Variants in LIMS1 observed in about 807,000 individuals in gnomAD.
LIMS1 encodes LIM zinc finger domain containing 1.
LIMS1 carries 18 observed loss-of-function variants against 44.1 expected under a neutral mutation model. The observed-to-expected ratio is 0.41, with a 90% CI of 0.28 to 0.61. LIMS1 has a LOEUF of 0.61. LIMS1 is among the 20% of genes least tolerant of loss of function. The pLI is 0.32. For missense variants in LIMS1, 201 were observed against 422.0 expected (o/e 0.48, Z 4.59); for synonymous variants, 93 against 149.1 (o/e 0.62, Z 2.74).
At chr2:108,562,918 A>G (rs1224321867) in intron 1 of LIMS1, among the ~76,000 whole-genome samples, 1 of 152,222 alleles carries the variant, frequency 6.6e-6, no homozygotes, top group African/African-American at 2.4e-5. Flanking sequence ...TTAGGAGATA[A>G]TGTACCTAGT....
chr2:108,578,587 ATTTTT>A (rs575139291), intron 1 of LIMS1, among the ~76,000 whole-genome samples: 3 of 100,792 alleles, frequency 3.0e-5, no homozygotes, highest in African/African-American at 1.1e-4. Context: ...AATGTAAATA[ATTTTT>A]TTTTTTTTTT....
chr2:108,628,238 C>T (rs1249917792), intron 1 of LIMS1, among the ~76,000 whole-genome samples: 1 of 152,206 alleles, frequency 6.6e-6, no homozygotes, highest in African/African-American at 2.4e-5. Context: ...AAATTGTCTC[C>T]TCCATTGTCT....
At chr2:108,585,679 C>G (rs1686071658) in intron 1 of LIMS1, among the ~76,000 whole-genome samples, 3 of 151,996 alleles carry the variant, frequency 2.0e-5, no homozygotes, top group East Asian at 3.9e-4. Context: ...GAGGCTCTTG[C>G]AAAAGAGATG....
intron 1 of LIMS1, among the ~76,000 whole-genome samples, chr2:108,570,465 T>C (rs758383750): frequency 3.3e-5 from 5 of 152,052 alleles, no homozygotes; most frequent in Non-Finnish European, 7.4e-5. Flanking sequence ...TCTTTGGCTA[T>C]GAAGAGACCA....
At chr2:108,558,989 A>G (rs577664067) in intron 1 of LIMS1, among the ~76,000 whole-genome samples, 11 of 152,332 alleles carry the variant, frequency 7.2e-5, no homozygotes, top group African/African-American at 2.6e-4. Flanking sequence ...ATTTAAATGT[A>G]CAAAAATAAC....
At chr2:108,601,399 T>C (rs1454193893) in intron 1 of LIMS1, among the ~76,000 whole-genome samples, 1 of 152,144 alleles carries the variant, frequency 6.6e-6, no homozygotes, top group Non-Finnish European at 1.5e-5. Context: ...CTCTAGCTGT[T>C]TTCGTAACAA....
intron 1 of LIMS1, among the ~76,000 whole-genome samples, chr2:108,614,759 C>T (rs1329969655): frequency 1.3e-5 from 2 of 152,092 alleles, no homozygotes; most frequent in African/African-American, 4.8e-5. Flanking sequence ...CACACAAAAC[C>T]TGGGGAGTAT....
At chr2:108,648,080 C>T (rs1391670216) in intron 1 of LIMS1, among the ~76,000 whole-genome samples, 1 of 152,178 alleles carries the variant, frequency 6.6e-6, no homozygotes, top group Non-Finnish European at 1.5e-5. Flanking sequence ...CGTGTCAGCC[C>T]AGAATCTCCT....
chr2:108,611,659 C>A (rs1296993140), intron 1 of LIMS1, among the ~76,000 whole-genome samples: 5 of 151,706 alleles, frequency 3.3e-5, no homozygotes, highest in Non-Finnish European at 4.4e-5. Flanking sequence ...GCGTGGGGAT[C>A]GCTTGAGCTC....
rs1281323378 is a variant in LIMS1, at chr2:108,550,815, CA to C, written c.32+16234del. Among the ~76,000 whole-genome samples, 336 of 121,044 alleles carry C rather than the reference CA, an allele frequency of 2.8e-3. 3 individuals are homozygous for C. Among genetic ancestry groups the C allele is most frequent in the African/African-American group, 0.01 (293 of 29,186 alleles). The allele number at this position is 121,044 out of a possible 152,430, so 79.4% of individuals were successfully genotyped here. On this transcript the variant is annotated intron_variant, in intron 1 of 9. Coordinates refer to ENST00000544547, the Ensembl canonical transcript of LIMS1. ...TGGGCGGCAGAGAGAGACTCCGTCT[CA>C]AAAAAAAAAAAACCCAGCTTTAGGC...
Position 108,676,029 on chromosome 2 carries a change from G to A in LIMS1, c.681+1G>A. Reference sequence around the variant, plus strand: ...TATGGGCAAGCAGTGGCATGTGGAGGTGAGTTCTAAATGGCAAAGGGTAAC... The same window carrying A: ...TATGGGCAAGCAGTGGCATGTGGAGATGAGTTCTAAATGGCAAAGGGTAAC... On this transcript the variant is annotated splice_donor_variant, in intron 6 of 9. Transcript: ENST00000544547. LOFTEE classifies it high-confidence loss of function. 1.9e-6 allele frequency: 3 copies of A among 1,612,232 alleles called. No homozygotes were observed. Among genetic ancestry groups the A allele is most frequent in the Non-Finnish European group, 2.5e-6 (3 of 1,178,898 alleles).
chr2:108,534,526 G>C (rs779439641), exon 1 of LIMS1: 7 of 1,200,946 alleles, frequency 5.8e-6, no homozygotes, highest in Non-Finnish European at 7.3e-6. Context: ...GCCGGGAGAC[G>C]AGGGGCTGAG....
At chr2:108,583,183 C>T (rs1171443191) in intron 1 of LIMS1, among the ~76,000 whole-genome samples, 1 of 150,200 alleles carries the variant, frequency 6.7e-6, no homozygotes, top group Non-Finnish European at 1.5e-5. Context: ...CAGGCGCGCA[C>T]CACCACGCCT....
chr2:108,653,626 A>G (rs1690651994), intron 1 of LIMS1, among the ~76,000 whole-genome samples: 1 of 151,992 alleles, frequency 6.6e-6, no homozygotes, highest in Non-Finnish European at 1.5e-5. Context: ...CATTGCTGTA[A>G]GCCAAAAAGT....
chr2:108,632,754 G>T (rs1689004909), intron 1 of LIMS1, among the ~76,000 whole-genome samples: 1 of 152,218 alleles, frequency 6.6e-6, no homozygotes, highest in Non-Finnish European at 1.5e-5. Flanking sequence ...GCCTGGGATT[G>T]TGGCCTCAGA....
chr2:108,552,131 T>TA, intron 1 of LIMS1, among the ~76,000 whole-genome samples: 1 of 145,952 alleles, frequency 6.9e-6, no homozygotes, highest in South Asian at 2.1e-4. Context: ...ATATACTATA[T>TA]ATACTTAACT....
intron 1 of LIMS1, among the ~76,000 whole-genome samples, chr2:108,563,367 A>G (rs1685188711): frequency 6.6e-6 from 1 of 152,234 alleles, no homozygotes; most frequent in Non-Finnish European, 1.5e-5. Context: ...AAGATTCACC[A>G]TTCTTCTTGC....
At chr2:108,563,720 A>ACC (rs1558789002) in intron 1 of LIMS1, among the ~76,000 whole-genome samples, 2 of 152,172 alleles carry the variant, frequency 1.3e-5, no homozygotes, top group Non-Finnish European at 2.9e-5. Flanking sequence ...TAATACATAA[A>ACC]CTTAGTAAAG....
At chr2:108,675,120 T>C (rs895219691) in intron 5 of LIMS1, among the ~76,000 whole-genome samples, 3 of 152,116 alleles carry the variant, frequency 2.0e-5, no homozygotes, top group Non-Finnish European at 4.4e-5. Flanking sequence ...GTCTCCCAAC[T>C]TCTCAGTTTG....
Sources: gnomAD v4.1 joint callset for allele counts (sites outside exome capture counted in the v4.1 genomes callset) on GRCh38, gnomAD v4.1.1 for gene constraint, MANE v1.5 for transcripts, NCBI Gene and HGNC (gene_info 2026-07-23, HGNC 2026-07-21) for gene names.